Variants in ITPR2 observed in about 807,000 individuals in gnomAD.
ITPR2 encodes inositol 1,4,5-trisphosphate receptor type 2.
A neutral mutation model predicts 317.1 loss-of-function variants in ITPR2; 207 were observed. The observed-to-expected ratio is 0.65, with a 90% CI of 0.58 to 0.73. ITPR2 has a LOEUF of 0.73. Ranked by LOEUF, ITPR2 falls within the 30% of genes least tolerant of loss-of-function variation. ITPR2 has a pLI of 0.00. For missense variants in ITPR2, 2,613 were observed against 3,284.0 expected (o/e 0.80, Z 4.99); for synonymous variants, 1,156 against 1,149.1 (o/e 1.01, Z -0.12).
chr12:26,721,191 GA>G (rs1222059098), intron 5 of ITPR2: 4 of 419,884 alleles, frequency 9.5e-6, no homozygotes, highest in South Asian at 5.8e-5. Flanking sequence ...GATGTCAAAA[GA>G]AAAAAAAGTA....
intron 23 of ITPR2, among the ~76,000 whole-genome samples, chr12:26,624,647 A>G (rs369723075): frequency 7.7e-4 from 118 of 152,328 alleles, no homozygotes; most frequent in African/African-American, 2.8e-3. Context: ...CCCCAGTTAA[A>G]ATGACTTTTA....
At chr12:26,567,638 T>C (rs948858810) in intron 34 of ITPR2, among the ~76,000 whole-genome samples, 2 of 151,982 alleles carry the variant, frequency 1.3e-5, no homozygotes, top group African/African-American at 4.8e-5. Context: ...GTAGACAAAG[T>C]TTTTTCAAAC....
chr12:26,696,392 T>TTTGTCCAACTGAA (rs1555178303), intron 9 of ITPR2, among the ~76,000 whole-genome samples: 22 of 152,222 alleles, frequency 1.4e-4, no homozygotes, highest in Non-Finnish European at 3.1e-4. Context: ...AATTTAATCA[T>TTTGTCCAACTGAA]TTTAATGTGA....
intron 15 of ITPR2, among the ~76,000 whole-genome samples, chr12:26,662,918 A>AC (rs542581779): frequency 9.9e-4 from 150 of 151,932 alleles, no homozygotes; most frequent in African/African-American, 3.5e-3. Flanking sequence ...TAATCCCCCC[A>AC]CCTTGGCCTC....
At chr12:26,819,489 C>T (rs539932288) in intron 1 of ITPR2, among the ~76,000 whole-genome samples, 1 of 152,292 alleles carries the variant, frequency 6.6e-6, no homozygotes, top group East Asian at 1.9e-4. Context: ...GTGTCATATG[C>T]CCTATTCTAT....
chr12:26,657,192 T>C (rs747439078), intron 18 of ITPR2, among the ~76,000 whole-genome samples: 6 of 152,212 alleles, frequency 3.9e-5, no homozygotes, highest in African/African-American at 1.2e-4. Flanking sequence ...GCTCCCAATA[T>C]ATTGACCACC....
chr12:26,811,541 C>T (rs961880822), intron 1 of ITPR2, among the ~76,000 whole-genome samples: 2 of 151,910 alleles, frequency 1.3e-5, no homozygotes, highest in Non-Finnish European at 2.9e-5. Flanking sequence ...GTCAGGAGAT[C>T]GAGACCACCC....
At chr12:26,409,827 G>C (rs980378870) in intron 52 of ITPR2, among the ~76,000 whole-genome samples, 1 of 152,094 alleles carries the variant, frequency 6.6e-6, no homozygotes, top group African/African-American at 2.4e-5. Context: ...GAGATCTTCC[G>C]GGCAAAGACC....
intron 37 of ITPR2, among the ~76,000 whole-genome samples, chr12:26,496,875 C>G (rs1371826381): frequency 6.7e-6 from 1 of 149,310 alleles, no homozygotes; most frequent in African/African-American, 2.5e-5. Context: ...ACCCAGGAAG[C>G]GGAGCTTGCA....
chr12:26,536,485 G>C (rs768803407), intron 37 of ITPR2, among the ~76,000 whole-genome samples: 1 of 152,186 alleles, frequency 6.6e-6, no homozygotes, highest in South Asian at 2.1e-4. Flanking sequence ...GGAAATTTGA[G>C]GGGTCAGTGG....
At chr12:26,801,084 TA>T in intron 1 of ITPR2, 1 of 195,838 alleles carries the variant, frequency 5.1e-6, no homozygotes, top group Non-Finnish European at 1.1e-5. Context: ...TGCTGTGGCC[TA>T]AAACGAGGAG....
At chr12:26,391,568 T>C (rs1171312609) in intron 54 of ITPR2, among the ~76,000 whole-genome samples, 3 of 132,454 alleles carry the variant, frequency 2.3e-5, no homozygotes, top group African/African-American at 5.8e-5. Context: ...TTTTTTTTTT[T>C]TTTTTTTTTT....
chr12:26,443,569 A>G lies in ITPR2; in HGVS notation c.6424T>C (p.Tyr2142His). ...TCAATCTGTGCAGTGTGGTTGGCAT[A>G]ATACTTTAAGGCTTCATCTCCTTCA... ...PDEGDEALKY[Y>H]ANHTAQIEIV... is the part of the protein sequence containing the mutation. The change falls in exon 46 of 57, where the codon TAT becomes CAT. Residue 2142 changes from tyrosine to histidine, a missense_variant. Tyr to His is a moderately conservative substitution (Grantham distance 83, BLOSUM62 2). Transcript: ENST00000381340. The G allele has an allele frequency of 1.2e-6, 2 of 1,612,702 alleles. No individual in the cohort carries two copies. The highest frequency in any genetic ancestry group is 3.3e-4 in the Middle Eastern group (2 of 6,058).
chr12:26,735,087 G>A (rs997887782), intron 2 of ITPR2, among the ~76,000 whole-genome samples: 3 of 133,628 alleles, frequency 2.2e-5, no homozygotes, highest in East Asian at 2.5e-4. Flanking sequence ...CACAACCTCC[G>A]CCTCCTGGGT....
chr12:26,365,097 A>G (rs17385025), intron 55 of ITPR2, among the ~76,000 whole-genome samples: 9,494 of 152,320 alleles, frequency 0.062, 423 homozygotes, highest in Non-Finnish European at 0.094. Flanking sequence ...ACACTGGCCC[A>G]GGTAGAACAC....
At chr12:26,476,241 G>T (rs1942413868) in intron 44 of ITPR2, among the ~76,000 whole-genome samples, 1 of 152,206 alleles carries the variant, frequency 6.6e-6, no homozygotes, top group Admixed American at 6.5e-5. Flanking sequence ...GTTGCCCATA[G>T]CACCAACAAT....
rs1484325749 is a variant in ITPR2 at position 26,436,318 on chromosome 12, C to T, written c.6672G>A (p.Arg2224=). ...RNNPALFWFS[R]HISLWGSISF... ...AAATGCTCCCCCAGAGAGAGATGTG[C>T]CTCGAGAACCAGAACAGTGCAGGGT... is the stretch of plus-strand genomic sequence containing the variant. Residue 2224 remains arginine (R), a synonymous_variant, in exon 48 of 57, where the codon AGG becomes AGA. Transcript: ENST00000381340. 2.5e-6 allele frequency: 4 copies of T among 1,612,576 alleles called. No homozygotes were observed. The highest frequency in any genetic ancestry group is 3.4e-6 in the Non-Finnish European group (4 of 1,179,368).
At position 26,532,424 on chromosome 12, in the gene ITPR2, A is replaced by C. The variant is rs549446070; in HGVS notation, c.5073+17823T>G. Among the ~76,000 whole-genome samples, 7 of 152,352 alleles carry C rather than the reference A, an allele frequency of 4.6e-5. No homozygotes were observed. In the South Asian group the frequency reaches 1.5e-3, roughly 32 times the overall value. On this transcript the variant is annotated intron_variant, in intron 37 of 56. Transcript: ENST00000381340. The stretch of plus-strand genomic sequence containing the variant: ...GAGACAGGGTCTCACTTTGTTGCAC[A>C]GGCTGGAGTGCAATGGCACAATCAT...
chr12:26,672,612 T>C (rs578143414), intron 13 of ITPR2, among the ~76,000 whole-genome samples: 5 of 150,290 alleles, frequency 3.3e-5, no homozygotes, highest in East Asian at 2.0e-4. Flanking sequence ...AGATCCAAAA[T>C]TGACACCCTA....
Sources: allele counts gnomAD v4.1 joint callset (sites outside exome capture counted in the v4.1 genomes callset), GRCh38; gene constraint gnomAD v4.1.1; transcripts MANE v1.5; gene names NCBI Gene and HGNC (gene_info 2026-07-23, HGNC 2026-07-21).